TEAD1: variants seen among roughly 807,000 people sequenced by gnomAD.
TEAD1 encodes the protein transcriptional enhancer factor TEF-1.
In TEAD1, 9 loss-of-function variants were observed where a neutral mutation model predicts 54.9. The ratio of observed to expected loss-of-function variants is 0.16; its 90% CI spans 0.10 to 0.29. The LOEUF (loss-of-function observed/expected upper bound fraction) is 0.29. Among genes scored for constraint, TEAD1 ranks in the 10% least tolerant of loss-of-function variants. The pLI is 1.00. For missense variants in TEAD1, 387 were observed against 535.9 expected (o/e 0.72, Z 2.74); for synonymous variants, 200 against 187.8 (o/e 1.07, Z -0.53).
chr11:12,816,434 G>T (rs187223807), intron 3 of TEAD1, among the ~76,000 whole-genome samples: 384 of 152,290 alleles, frequency 2.5e-3, no homozygotes, highest in African/African-American at 6.3e-3. Flanking sequence ...TTTTCCAGGG[G>T]ATTTCAGGGT....
At chr11:12,741,393 TGA>T (rs1944646836) in intron 2 of TEAD1, among the ~76,000 whole-genome samples, 1 of 152,202 alleles carries the variant, frequency 6.6e-6, no homozygotes. Flanking sequence ...TTAAGCCTTT[TGA>T]GGCTCCCAAT....
chr11:12,707,433 A>G (rs947514979), intron 2 of TEAD1, among the ~76,000 whole-genome samples: 5 of 152,224 alleles, frequency 3.3e-5, no homozygotes, highest in African/African-American at 7.2e-5. Context: ...ATTAGTTTTC[A>G]CAAAGTCTGT....
chr11:12,929,996 A>G (rs978679767), intron 11 of TEAD1, among the ~76,000 whole-genome samples, 178 bp from the exon 12 acceptor site: 1 of 152,214 alleles, frequency 6.6e-6, no homozygotes, highest in Non-Finnish European at 1.5e-5. Flanking sequence ...AATGGATTCT[A>G]TGTATAGCAA....
At chr11:12,793,180 T>TA (rs1275141810) in intron 3 of TEAD1, among the ~76,000 whole-genome samples, 2 of 152,156 alleles carry the variant, frequency 1.3e-5, no homozygotes, top group African/African-American at 4.8e-5. Flanking sequence ...TTTGAGCAAT[T>TA]AAAGTGGGTT....
intron 2 of TEAD1, among the ~76,000 whole-genome samples, chr11:12,687,268 TATC>T (rs1490849517): frequency 6.6e-5 from 10 of 152,244 alleles, no homozygotes; most frequent in African/African-American, 2.2e-4. Context: ...AAACTTATCT[TATC>T]ATACCATCCA....
At chr11:12,852,972 T>C (rs1947305536) in intron 3 of TEAD1, among the ~76,000 whole-genome samples, 1 of 152,232 alleles carries the variant, frequency 6.6e-6, no homozygotes, top group African/African-American at 2.4e-5. Flanking sequence ...CCTCATATAC[T>C]AAGTGACTTG....
chr11:12,692,143 A>C (rs1943470701), intron 2 of TEAD1, among the ~76,000 whole-genome samples: 1 of 152,148 alleles, frequency 6.6e-6, no homozygotes, highest in Non-Finnish European at 1.5e-5. Context: ...ACTTATTTTT[A>C]GTATTATAAT....
intron 2 of TEAD1, among the ~76,000 whole-genome samples, chr11:12,732,119 A>C (rs1944436327): frequency 6.6e-6 from 1 of 151,542 alleles, no homozygotes; most frequent in Admixed American, 6.6e-5. Flanking sequence ...CTTGACATCT[A>C]TCCTTATTAA....
chr11:12,799,911 T>G (rs1946014903), intron 3 of TEAD1, among the ~76,000 whole-genome samples: 1 of 152,202 alleles, frequency 6.6e-6, no homozygotes, highest in Non-Finnish European at 1.5e-5. Flanking sequence ...AGAATGCAGT[T>G]TTTTTGAAAG....
intron 3 of TEAD1, among the ~76,000 whole-genome samples, chr11:12,789,083 C>T (rs1263288069): frequency 6.6e-6 from 1 of 152,200 alleles, no homozygotes; most frequent in Non-Finnish European, 1.5e-5. Context: ...GACTCTTACA[C>T]ACATAATAAA....
At chr11:12,811,947 G>T (rs1416337534) in intron 3 of TEAD1, among the ~76,000 whole-genome samples, 1 of 152,050 alleles carries the variant, frequency 6.6e-6, no homozygotes, top group Non-Finnish European at 1.5e-5. Context: ...AGCCACACCG[G>T]TAGGACGTAG....
At chr11:12,718,319 A>T (rs1944106961) in intron 2 of TEAD1, among the ~76,000 whole-genome samples, 1 of 152,152 alleles carries the variant, frequency 6.6e-6, no homozygotes, top group Non-Finnish European at 1.5e-5. Context: ...AGAGCATGAA[A>T]TAGAGATAAT....
intron 3 of TEAD1, among the ~76,000 whole-genome samples, chr11:12,769,817 C>A (rs1945279324): frequency 6.6e-6 from 1 of 152,114 alleles, no homozygotes; most frequent in South Asian, 2.1e-4. Flanking sequence ...AGCCGGGACC[C>A]CACCGATCAC....
chr11:12,888,584 T>G (rs1484447241), intron 9 of TEAD1, among the ~76,000 whole-genome samples: 1 of 152,150 alleles, frequency 6.6e-6, no homozygotes, highest in Non-Finnish European at 1.5e-5. Flanking sequence ...CTCCTTAGTC[T>G]GAAGTGGCCT....
At chr11:12,792,470 G>A (rs1043358691) in intron 3 of TEAD1, among the ~76,000 whole-genome samples, 1 of 151,616 alleles carries the variant, frequency 6.6e-6, no homozygotes, top group African/African-American at 2.4e-5. Flanking sequence ...TGCCTTCGTT[G>A]ATATAAGTCT....
At chr11:12,693,094 G>T (rs1259158393) in intron 2 of TEAD1, among the ~76,000 whole-genome samples, 1 of 152,202 alleles carries the variant, frequency 6.6e-6, no homozygotes, top group Non-Finnish European at 1.5e-5. Context: ...GTTTTTTCTA[G>T]TGGGGACCTC....
At chr11:12,756,203 G>A (rs182426599) in intron 2 of TEAD1, among the ~76,000 whole-genome samples, 239 of 152,272 alleles carry the variant, frequency 1.6e-3, no homozygotes, top group Non-Finnish European at 2.7e-3. Flanking sequence ...TTTTGAAAAC[G>A]AGAAGGAGTA....
chr11:12,852,464 T>C (rs1298286118), intron 3 of TEAD1, among the ~76,000 whole-genome samples: 40 of 131,224 alleles, frequency 3.0e-4, no homozygotes, highest in African/African-American at 1.1e-3. Flanking sequence ...TTTTTTTTTT[T>C]CGAGACAGAG....
Position 12,751,169 on chromosome 11 carries a change from G to A in TEAD1, c.-54-13010G>A, listed in dbSNP as rs527379203. ...CCGAAATAATTAGCTGGGCATGGTA[G>A]CATGTGCCTGTAGTCCCAGCTACTT... On this transcript the variant is annotated intron_variant, in intron 2 of 12. Transcript: ENST00000527636. 3.0e-4 allele frequency among the ~76,000 whole-genome samples: 46 copies of A among 152,122 alleles called. 1 individual carries two copies. In the South Asian group the frequency reaches 9.3e-3, roughly 31 times the overall value.
Sources: gnomAD v4.1 joint callset for allele counts (sites outside exome capture counted in the v4.1 genomes callset) on GRCh38, gnomAD v4.1.1 for gene constraint, MANE v1.5 for transcripts, NCBI Gene and HGNC (gene_info 2026-07-23, HGNC 2026-07-21) for gene names.